PRKCE: variants seen among roughly 807,000 people sequenced by gnomAD.
The protein encoded by PRKCE is protein kinase C epsilon.
A neutral mutation model predicts 85.4 loss-of-function variants in PRKCE; 16 were observed. The ratio of observed to expected loss-of-function variants is 0.19; its 90% confidence interval spans 0.13 to 0.28. PRKCE has a LOEUF of 0.28. PRKCE is among the 10% of genes least tolerant of loss of function. The probability of loss-of-function intolerance (pLI) is 1.00; values close to 1 mark genes in which losing one functional copy is unlikely to be tolerated. For missense variants in PRKCE, 573 were observed against 975.2 expected, an observed-to-expected ratio of 0.59 and a Z score of 5.49; for synonymous variants, 388 against 371.5, an observed-to-expected ratio of 1.04 and a Z score of -0.51.
chr2:45,960,948 T>C (rs1701333682), intron 2 of PRKCE, among the ~76,000 whole-genome samples: 1 of 152,178 alleles, frequency 6.6e-6, no homozygotes. Context: ...GCAGAGGCTT[T>C]CTGTTTCAAC....
chr2:45,801,532 G>A (rs889986259), intron 1 of PRKCE, among the ~76,000 whole-genome samples: 10 of 151,956 alleles, frequency 6.6e-5, no homozygotes, highest in Non-Finnish European at 1.2e-4. Flanking sequence ...AGAGGGAGGA[G>A]GCGGGAATGC....
At chr2:45,883,668 C>T (rs1465718824) in intron 2 of PRKCE, among the ~76,000 whole-genome samples, 1 of 152,166 alleles carries the variant, frequency 6.6e-6, no homozygotes, top group South Asian at 2.1e-4. Context: ...TGCACAACTA[C>T]CATGCCATGC....
At chr2:45,835,426 T>C (rs1690779198) in intron 1 of PRKCE, among the ~76,000 whole-genome samples, 1 of 152,186 alleles carries the variant, frequency 6.6e-6, no homozygotes. Flanking sequence ...TCTCCTGGCA[T>C]TCACTGGCCA....
chr2:46,148,045 G>A (rs1311587982), intron 12 of PRKCE, among the ~76,000 whole-genome samples: 1 of 152,232 alleles, frequency 6.6e-6, no homozygotes, highest in Non-Finnish European at 1.5e-5. Flanking sequence ...AAGGTGCTGA[G>A]CTAACCTCAA....
intron 1 of PRKCE, among the ~76,000 whole-genome samples, chr2:45,829,660 G>T (rs926332131): frequency 6.6e-6 from 1 of 152,144 alleles, no homozygotes; most frequent in African/African-American, 2.4e-5. Context: ...GACCCTAAAG[G>T]GCTCCAGGCT....
At chr2:45,795,248 C>T (rs960090047) in intron 1 of PRKCE, among the ~76,000 whole-genome samples, 4 of 152,174 alleles carry the variant, frequency 2.6e-5, no homozygotes, top group Non-Finnish European at 5.9e-5. Context: ...AACTCTCCCA[C>T]CACCCCGCAC....
chr2:45,822,514 A>T (rs990319847), intron 1 of PRKCE, among the ~76,000 whole-genome samples: 1 of 152,246 alleles, frequency 6.6e-6, no homozygotes, highest in African/African-American at 2.4e-5. Context: ...CACAAGGGTA[A>T]CTGCCAGCCA....
At chr2:46,090,873 T>A (rs964867826) in intron 11 of PRKCE, among the ~76,000 whole-genome samples, 1 of 152,182 alleles carries the variant, frequency 6.6e-6, no homozygotes, top group Admixed American at 6.5e-5. Flanking sequence ...AGGGAATTTA[T>A]GTGGGAGACA....
At chr2:46,006,941 A>G (rs2104771899) in intron 8 of PRKCE, among the ~76,000 whole-genome samples, 1 of 152,362 alleles carries the variant, frequency 6.6e-6, no homozygotes, top group Middle Eastern at 3.4e-3. Context: ...AACAAGGCTG[A>G]GTAAAGGTTT....
chr2:46,062,999 A>G (rs1056814376), intron 10 of PRKCE, among the ~76,000 whole-genome samples: 14 of 152,350 alleles, frequency 9.2e-5, no homozygotes, highest in South Asian at 2.1e-4. Context: ...TCTCATTTTA[A>G]GTGCATTCTT....
chr2:46,097,451 C>T (rs1670804520), intron 11 of PRKCE, among the ~76,000 whole-genome samples: 1 of 145,874 alleles, frequency 6.9e-6, no homozygotes, highest in South Asian at 2.2e-4. Flanking sequence ...ACCTGGGAGG[C>T]GGAGCTTGCA....
At chr2:46,009,337 G>A (rs936992266) in intron 9 of PRKCE, among the ~76,000 whole-genome samples, 1 of 152,130 alleles carries the variant, frequency 6.6e-6, no homozygotes, top group Non-Finnish European at 1.5e-5. Flanking sequence ...TATCACATGT[G>A]TATAAATTTG....
intron 2 of PRKCE, among the ~76,000 whole-genome samples, chr2:45,893,353 C>CTTTTCT (rs1468647083): frequency 7.3e-6 from 1 of 136,410 alleles, no homozygotes; most frequent in Admixed American, 7.5e-5. Flanking sequence ...CTTTTCTTTT[C>CTTTTCT]TTTTTTTTTT....
chr2:45,776,248 T>G (rs1243843434), intron 1 of PRKCE, among the ~76,000 whole-genome samples: 1 of 152,258 alleles, frequency 6.6e-6, no homozygotes, highest in Non-Finnish European at 1.5e-5. Flanking sequence ...GGCGACCTGA[T>G]GAACACCCTC....
intron 1 of PRKCE, among the ~76,000 whole-genome samples, chr2:45,669,426 T>C (rs1353843144): frequency 6.6e-6 from 1 of 152,220 alleles, no homozygotes; most frequent in African/African-American, 2.4e-5. Context: ...AAGTCTCTCA[T>C]GTGGCCAGCC....
intron 11 of PRKCE, among the ~76,000 whole-genome samples, chr2:46,134,877 T>C (rs1231604168): frequency 6.6e-6 from 1 of 152,242 alleles, no homozygotes; most frequent in East Asian, 1.9e-4. Flanking sequence ...CAATGCCTGC[T>C]TCCCCTCAGC....
chr2:46,169,177 C>T (rs1678641580), intron 14 of PRKCE, among the ~76,000 whole-genome samples: 1 of 152,200 alleles, frequency 6.6e-6, no homozygotes, highest in Non-Finnish European at 1.5e-5. Flanking sequence ...AGAAGAGACA[C>T]TCTGGGGAAT....
At chr2:45,940,385 A>G (rs1050413818) in intron 2 of PRKCE, among the ~76,000 whole-genome samples, 1 of 152,230 alleles carries the variant, frequency 6.6e-6, no homozygotes, top group Non-Finnish European at 1.5e-5. Flanking sequence ...AAGCAAGAAC[A>G]TGATTTAGCT....
At chr2:46,011,649 T>C (rs944189038) in intron 10 of PRKCE, among the ~76,000 whole-genome samples, 6 of 152,220 alleles carry the variant, frequency 3.9e-5, no homozygotes, top group Admixed American at 6.5e-5. Flanking sequence ...TAACCTCTCT[T>C]AGTCTCAACA....
Sources: gnomAD v4.1 joint callset for allele counts (sites outside exome capture counted in the v4.1 genomes callset) on GRCh38, gnomAD v4.1.1 for gene constraint, MANE v1.5 for transcripts, NCBI Gene and HGNC (gene_info 2026-07-23, HGNC 2026-07-21) for gene names.